Variants in TRPM5 observed in about 807,000 individuals in gnomAD.
TRPM5 encodes the protein transient receptor potential cation channel subfamily M member 5.
In TRPM5, 121 loss-of-function variants were observed where a neutral mutation model predicts 124.9. That is an observed-to-expected ratio of 0.97 (90% CI 0.84 to 1.13). TRPM5 has a LOEUF of 1.13. TRPM5 is among the 50% of genes most tolerant of loss of function. The pLI, the probability that TRPM5 is intolerant of heterozygous loss-of-function variation, is 0.00. For missense variants in TRPM5, 1,643 were observed against 1,589.1 expected (o/e 1.03, Z -0.58); for synonymous variants, 781 against 700.5 (o/e 1.11, Z -1.81).
chr11:2,414,996 T>A, exon 10 of TRPM5: 1 of 1,605,976 alleles, frequency 6.2e-7, no homozygotes. Flanking sequence ...CTCTTCTGGT[T>A]CAGGTCCAGC....
intron 7 of TRPM5, 21 bp downstream of exon 12, chr11:2,417,706 G>GCCCCCCCCCCCCCCCCCCCCCCTTT: frequency 9.2e-7 from 1 of 1,087,304 alleles, no homozygotes; most frequent in Non-Finnish European, 1.4e-6. Flanking sequence ...CGCCTGCCTT[G>GCCCCCCCCCCCCCCCCCCCCCCTTT]CCCACCCTGC....
chr11:2,423,477 G>A (rs1845799880), upstream of TRPM5, among the ~76,000 whole-genome samples: 1 of 152,146 alleles, frequency 6.6e-6, no homozygotes, highest in South Asian at 2.1e-4. Flanking sequence ...CCCGCTCCCA[G>A]GACAGGGATG....
chr11:2,411,797 G>A (rs965010135), intron 16 of TRPM5, 30 bp from the exon 22 acceptor site: 2 of 1,610,806 alleles, frequency 1.2e-6, no homozygotes, highest in African/African-American at 2.7e-5. Flanking sequence ...TGCGGCTGCG[G>A]GGCCCAGAGA....
At chr11:2,411,500 G>T in exon 18 of TRPM5, 1 of 1,609,470 alleles carries the variant, frequency 6.2e-7, no homozygotes, top group Non-Finnish European at 8.5e-7. Context: ...CGCTCAGAAA[G>T]AAGAGGAAGA....
chr11:2,423,469 C>T (rs1265117346), upstream of TRPM5, among the ~76,000 whole-genome samples: 2 of 152,140 alleles, frequency 1.3e-5, no homozygotes, highest in Non-Finnish European at 1.5e-5. Context: ...ACAGCCCACC[C>T]GCTCCCAGGA....
At position 2,407,307 on chromosome 11, in the gene TRPM5, G is replaced by A; in HGVS notation, c.2937-7C>T. ...CACCACCTGGAACGTGTAGCTGCAG[G>A]GGCACAGCTGAGCCGTCACCTACCG... On this transcript the variant is annotated splice_polypyrimidine_tract_variant and splice_region_variant and intron_variant, in intron 19 of 23. Coordinates refer to ENST00000155858, the Ensembl canonical transcript of TRPM5. 1 of 1,605,268 alleles carries A rather than the reference G, an allele frequency of 6.2e-7. No homozygotes were observed. The highest frequency in any genetic ancestry group is 1.3e-5 in the African/African-American group (1 of 74,670).
intron 11 of TRPM5, 54 bp downstream of exon 16, chr11:2,414,661 C>T: frequency 1.3e-6 from 2 of 1,482,684 alleles, no homozygotes; most frequent in Non-Finnish European, 1.8e-6. Flanking sequence ...CGTCCGACCC[C>T]TCCGTCACAT....
exon 19 of TRPM5, chr11:2,407,865 G>C: frequency 6.2e-7 from 1 of 1,614,002 alleles, no homozygotes; most frequent in Non-Finnish European, 8.5e-7. Context: ...GGGCAGGATG[G>C]TGAGTCCTCC....
chr11:2,421,256 C>T (rs546333271), intron 2 of TRPM5, 58 bp from the exon 8 acceptor site: 4 of 1,505,456 alleles, frequency 2.7e-6, no homozygotes, highest in East Asian at 5.1e-5. Flanking sequence ...CCCTAGCTGG[C>T]CCCACGCCCT....
the TRPM5 span, among the ~76,000 whole-genome samples, chr11:2,429,223 ATGG>A: frequency 1.3e-5 from 2 of 149,854 alleles, no homozygotes; most frequent in Non-Finnish European, 3.0e-5. The surrounding 1 kb of genome is among the most constrained non-coding windows in gnomAD (Gnocchi z 8.4). Flanking sequence ...AGTGATGATC[ATGG>A]TGGTGGTGAC....
exon 15 of TRPM5, chr11:2,412,999 C>T: frequency 1.9e-6 from 3 of 1,604,870 alleles, no homozygotes; most frequent in South Asian, 1.1e-5. Flanking sequence ...GGCGCCTCCA[C>T]CAGCTCCTCC....
intron 4 of TRPM5, among the ~76,000 whole-genome samples, chr11:2,419,404 T>A (rs1845733589): frequency 6.7e-6 from 1 of 149,268 alleles, no homozygotes; most frequent in Non-Finnish European, 1.5e-5. Flanking sequence ...GATCAGGAGT[T>A]CAAGACCAGC....
exon 12 of TRPM5, chr11:2,414,196 G>A (rs753834035): frequency 7.5e-6 from 12 of 1,608,990 alleles, no homozygotes; most frequent in South Asian, 4.4e-5. Flanking sequence ...TGTAGCACTC[G>A]GAGAAGAGGT....
the TRPM5 span, among the ~76,000 whole-genome samples, chr11:2,442,396 C>CAG: frequency 6.9e-6 from 1 of 145,406 alleles, no homozygotes; most frequent in African/African-American, 2.8e-5. This position sits in a 1 kb window ranked among gnomAD's most constrained non-coding sequence, Gnocchi z 5.9. Flanking sequence ...CACACACACA[C>CAG]ACACACACAC....
At chr11:2,426,651 T>G (rs1845842805), upstream of TRPM5, among the ~76,000 whole-genome samples, 1 of 152,100 alleles carries the variant, frequency 6.6e-6, no homozygotes, top group African/African-American at 2.4e-5. Flanking sequence ...AGGGCAGAGC[T>G]GGATGACCAG....
At chr11:2,441,194 C>T in the TRPM5 span, among the ~76,000 whole-genome samples, 18 of 152,284 alleles carry the variant, frequency 1.2e-4, no homozygotes, top group South Asian at 3.7e-3. The surrounding 1 kb of genome is among the most constrained non-coding windows in gnomAD (Gnocchi z 7.2). Context: ...ACATGTGCAC[C>T]CACCGGAATG....
chr11:2,405,650 C>A, intron 22 of TRPM5, 57 bp from the exon 28 acceptor site: 1 of 1,526,840 alleles, frequency 6.5e-7, no homozygotes, highest in Non-Finnish European at 8.9e-7. Context: ...CAGCAGGGGA[C>A]AGGCAGCCTC....
chr11:2,438,673 A>T, the TRPM5 span, among the ~76,000 whole-genome samples: 1 of 152,170 alleles, frequency 6.6e-6, no homozygotes, highest in Non-Finnish European at 1.5e-5. The surrounding 1 kb of genome is among the most constrained non-coding windows in gnomAD (Gnocchi z 5.9). Flanking sequence ...TCTTAAAAAA[A>T]AATTACAGAT....
At chr11:2,434,697 GTGTC>G in the TRPM5 span, among the ~76,000 whole-genome samples, 8 of 151,372 alleles carry the variant, frequency 5.3e-5, no homozygotes, top group South Asian at 4.2e-4. Context: ...CACTGTGTGT[GTGTC>G]TGTGTGTCTG....
Sources: allele counts gnomAD v4.1 joint callset (sites outside exome capture counted in the v4.1 genomes callset), GRCh38; gene constraint gnomAD v4.1.1; non-coding constraint Gnocchi (gnomAD v3.1); transcripts MANE v1.5; gene names NCBI Gene and HGNC (gene_info 2026-07-23, HGNC 2026-07-21).